UTRN: variants seen among roughly 807,000 people sequenced by gnomAD.
UTRN encodes dystrophin-related protein 1.
In UTRN, 283 loss-of-function variants were observed where a neutral mutation model predicts 463.9. The ratio of observed to expected loss-of-function variants is 0.61; its 90% CI spans 0.55 to 0.67. The LOEUF (loss-of-function observed/expected upper bound fraction) is 0.67. UTRN is among the 30% of genes least tolerant of loss of function. The pLI is 0.00. For synonymous variants in UTRN, 1,442 were observed against 1,431.5 expected (o/e 1.01, Z -0.17); for missense variants, 3,922 against 4,084.3 (o/e 0.96, Z 1.08).
At position 144,403,188 on chromosome 6, in the gene UTRN, A is replaced by C; in HGVS notation, c.141+4A>C. Reference sequence around the variant, plus strand: ...GATAAATGCTCGATTTTCAAAGGTAACTGAGACTTTCAAAAACTTCGATGG... The same window carrying C: ...GATAAATGCTCGATTTTCAAAGGTACCTGAGACTTTCAAAAACTTCGATGG... On this transcript the variant is annotated splice_donor_region_variant and intron_variant, in intron 3 of 74. Coordinates refer to ENST00000367545, the MANE Select transcript of UTRN (RefSeq NM_007124.3). The C allele has an allele frequency of 6.2e-7, 1 of 1,612,610 alleles. No homozygotes were observed. The highest frequency in any genetic ancestry group is 8.5e-7 in the Non-Finnish European group (1 of 1,179,106).
In UTRN at chr6:144,493,346, G is replaced by C; in HGVS notation, c.4483G>C (p.Val1495Leu). The change falls in exon 33 of 75, where the codon GTG (valine) becomes CTG (leucine). Residue 1495 changes from valine (V) to leucine (L), a missense_variant. Around this residue, in one of 3 missense-constraint regions of UTRN, gnomAD observed 2,349 missense variants for 2,303.8 expected, o/e 1.02. Coordinates refer to ENST00000367545, the MANE Select transcript of UTRN (RefSeq NM_007124.3). ...LSEVKLEVET[V>L]IKTGRHIVQK... ...TGAAGTCAAACTTGAAGTGGAAACT[G>C]TGATTAAAACAGGAAGACATATTGT... 6.2e-7 allele frequency: 1 copy of C among 1,614,162 alleles called. No homozygotes were observed. The highest frequency in any genetic ancestry group is 8.5e-7 in the Non-Finnish European group (1 of 1,180,000).
intron 17 of UTRN, 111 bp from the exon 18 acceptor site, chr6:144,451,259 G>A: frequency 2.3e-6 from 3 of 1,282,576 alleles, no homozygotes; most frequent in Non-Finnish European, 3.1e-6. Context: ...CTGTTTTTGG[G>A]GGAGTGATAA....
At chr6:144,847,466 C>T (rs868609046) in intron 74 of UTRN, among the ~76,000 whole-genome samples, 21 of 151,884 alleles carry the variant, frequency 1.4e-4, no homozygotes, top group African/African-American at 2.4e-4. Flanking sequence ...TTCACAGAAA[C>T]GAAAGAGCAG....
intron 3 of UTRN, among the ~76,000 whole-genome samples, chr6:144,410,197 A>G (rs28631226): frequency 0.11 from 16,261 of 152,156 alleles, 2,309 homozygotes; most frequent in African/African-American, 0.32. Context: ...TGAACAAAGG[A>G]ACTTTGATTT....
At chr6:144,612,816 T>G in intron 51 of UTRN, among the ~76,000 whole-genome samples, 1 of 152,122 alleles carries the variant, frequency 6.6e-6, no homozygotes, top group African/African-American at 2.4e-5. Flanking sequence ...AAGGTAAAAA[T>G]AGAAATACAT....
chr6:144,577,389 T>C (rs1434240546), intron 51 of UTRN, 101 bp downstream of exon 51: 6 of 1,200,606 alleles, frequency 5.0e-6, no homozygotes, highest in Non-Finnish European at 7.0e-6. Context: ...AGTTGTCACT[T>C]TATTCTCTTA....
At position 144,403,136 on chromosome 6, in the gene UTRN, C is replaced by T. The variant is rs754635241; in HGVS notation, c.93C>T (p.Asp31=). The change falls in exon 3 of 75, where the codon GAC becomes GAT. Residue 31 remains aspartate, a synonymous_variant. Transcript: ENST00000367545. ...IIKSRSDEHN[D]VQKKTFTKWI... ...TCCATTCCACAGATGAACACAATGA[C>T]GTACAGAAGAAAACCTTTACCAAAT... is the stretch of plus-strand genomic sequence containing the variant. The T allele has an allele frequency of 8.1e-6, 13 of 1,613,252 alleles. No homozygotes were observed. Among genetic ancestry groups the T allele is most frequent in the East Asian group, 2.2e-5 (1 of 44,838 alleles).
chr6:144,358,903 T>C (rs1374988061), intron 2 of UTRN, among the ~76,000 whole-genome samples: 1 of 152,210 alleles, frequency 6.6e-6, no homozygotes, highest in African/African-American at 2.4e-5. Context: ...TACTCATACT[T>C]AAAAATAATT....
At chr6:144,526,811 TG>T (rs1454563684) in intron 41 of UTRN, among the ~76,000 whole-genome samples, 1 of 151,936 alleles carries the variant, frequency 6.6e-6, no homozygotes, top group African/African-American at 2.4e-5. Flanking sequence ...TTATTGTTGT[TG>T]TTGTTGACAG....
At chr6:144,561,347 T>C (rs911498369) in intron 50 of UTRN, among the ~76,000 whole-genome samples, 4 of 148,996 alleles carry the variant, frequency 2.7e-5, no homozygotes, top group Non-Finnish European at 4.5e-5. Flanking sequence ...CACACACATA[T>C]ACACACACAT....
chr6:144,620,271 A>G (rs1000527855), intron 51 of UTRN, among the ~76,000 whole-genome samples: 1 of 152,102 alleles, frequency 6.6e-6, no homozygotes, highest in Admixed American at 6.6e-5. Flanking sequence ...TTTGCATTTT[A>G]TTGGCTACTA....
chr6:144,408,199 A>T (rs1160068605), intron 3 of UTRN, among the ~76,000 whole-genome samples: 1 of 152,240 alleles, frequency 6.6e-6, no homozygotes, highest in Non-Finnish European at 1.5e-5. Context: ...TGCCACACGT[A>T]AACAGAAAAG....
intron 28 of UTRN, among the ~76,000 whole-genome samples, chr6:144,486,346 A>T (rs1792447275): frequency 1.3e-5 from 2 of 152,198 alleles, no homozygotes; most frequent in African/African-American, 2.4e-5. Flanking sequence ...TTTTTTCCTA[A>T]TGTAAGAGTG....
chr6:144,781,746 G>GT (rs1775849609), intron 60 of UTRN, among the ~76,000 whole-genome samples, 176 bp from the exon 61 acceptor site: 1 of 152,176 alleles, frequency 6.6e-6, no homozygotes, highest in South Asian at 2.1e-4. Context: ...GTGGTAAAAT[G>GT]TAAGAATAGA....
Position 144,829,442 on chromosome 6 carries a change from C to T in UTRN, c.9665+587C>T, listed in dbSNP as rs377421497. On this transcript the variant is annotated intron_variant, in intron 69 of 74. Coordinates refer to ENST00000367545, the MANE Select transcript of UTRN (RefSeq NM_007124.3). Reference sequence around the variant, plus strand: ...GCCAATTAGTTTATTTCTGATTTCCCCATATGTGTATATTCCACTTGGTTG... The same window carrying T: ...GCCAATTAGTTTATTTCTGATTTCCTCATATGTGTATATTCCACTTGGTTG... 2.0e-4 allele frequency among the ~76,000 whole-genome samples: 30 copies of T among 152,144 alleles called. No individual in the cohort carries two copies. In the East Asian group the frequency reaches 4.4e-3, roughly 23 times the overall value.
At chr6:144,299,146 C>G (rs578212739) in intron 2 of UTRN, among the ~76,000 whole-genome samples, 1 of 152,312 alleles carries the variant, frequency 6.6e-6, no homozygotes, top group East Asian at 1.9e-4. Flanking sequence ...TTTTGAGCTT[C>G]TCACATATGG....
intron 43 of UTRN, among the ~76,000 whole-genome samples, chr6:144,535,088 A>G (rs1474334353): frequency 6.6e-6 from 1 of 152,058 alleles, no homozygotes; most frequent in Non-Finnish European, 1.5e-5. Context: ...CTAGACCTTT[A>G]TTGGTTTTTT....
chr6:144,553,452 G>C (rs1476925415), intron 48 of UTRN, among the ~76,000 whole-genome samples: 1 of 152,120 alleles, frequency 6.6e-6, no homozygotes, highest in African/African-American at 2.4e-5. Context: ...TCTTGGGCCT[G>C]GTACTTAACT....
intron 2 of UTRN, among the ~76,000 whole-genome samples, chr6:144,334,397 A>G (rs1317937467): frequency 3.9e-5 from 6 of 151,912 alleles, no homozygotes; most frequent in Non-Finnish European, 7.4e-5. Context: ...CTGTTCCGTC[A>G]AGGCTATGAT....
Sources: allele counts gnomAD v4.1 joint callset (sites outside exome capture counted in the v4.1 genomes callset), GRCh38; gene constraint gnomAD v4.1.1; regional missense constraint gnomAD v4.1.1; transcripts MANE v1.5; gene names NCBI Gene and HGNC (gene_info 2026-07-23, HGNC 2026-07-21).